C1QC: variants seen among roughly 807,000 people sequenced by gnomAD.
C1QC encodes the protein complement C1q C chain, also known as complement C1q subcomponent subunit C.
A neutral mutation model predicts 5.9 loss-of-function variants in C1QC; 4 were observed. The observed-to-expected ratio is 0.68, with a 90% CI of 0.33 to 1.55. C1QC has a LOEUF of 1.55. Ranked by LOEUF, C1QC falls within the 40% of genes most tolerant of loss-of-function variation. C1QC has a pLI of 0.06. For synonymous variants in C1QC, 166 were observed against 153.8 expected (o/e 1.08, Z -0.59); for missense variants, 299 against 326.9 (o/e 0.91, Z 0.66).
rs761748576 is a variant in C1QC at position 22,647,406 on chromosome 1, G to C, written c.361G>C (p.Val121Leu). ...EGRYKQKFQS[V>L]FTVTRQTHQP... ...CAGATACAAGCAGAAATTCCAGTCA[G>C]TGTTCACGGTCACTCGGCAGACCCA... The change falls in exon 3 of 3, where the codon GTG becomes CTG. Residue 121 changes from valine to leucine, a missense_variant. Transcript: ENST00000374640. 6.2e-7 allele frequency: 1 copy of C among 1,614,058 alleles called. No homozygotes were observed. The highest frequency in any genetic ancestry group is 1.7e-5 in the Admixed American group (1 of 60,018).
chr1:22,647,943 C>T lies in C1QC; in HGVS notation c.*160C>T. 1 of 921,094 alleles carries T rather than the reference C, an allele frequency of 1.1e-6. No homozygotes were observed. The allele number at this position is 921,094 out of a possible 1,614,324, so 57.1% of individuals were successfully genotyped here. ...ACCCTGACCCACCCCCACTGCACCC[C>T]CTCCCCATGGGTTCTCTCCTTCCTC... is the stretch of plus-strand genomic sequence containing the variant. On this transcript the variant is annotated 3_prime_UTR_variant, in exon 3 of 3. Coordinates refer to ENST00000374640, the MANE Select transcript of C1QC (RefSeq NM_172369.5).
chr1:22,647,994 G>T lies in C1QC; in HGVS notation c.*211G>T, dbSNP rs762217466. 7 of 591,186 alleles carry T rather than the reference G, an allele frequency of 1.2e-5. No individual in the cohort carries two copies. Among genetic ancestry groups the T allele is most frequent in the Non-Finnish European group, 1.7e-5 (6 of 349,956 alleles). The allele number at this position is 591,186 out of a possible 1,614,324, so 36.6% of individuals were successfully genotyped here. ...TGAACTTCTTTAGGAGTCACTGCTT[G>T]TGTGGTTCCTGGGACACTTAACCAA... On this transcript the variant is annotated 3_prime_UTR_variant, in exon 3 of 3. Transcript: ENST00000374640.
intron 2 of C1QC, among the ~76,000 whole-genome samples, chr1:22,644,635 C>A (rs1302693982): frequency 6.6e-6 from 1 of 152,166 alleles, no homozygotes; most frequent in Admixed American, 6.5e-5. Context: ...TCTATGTGAA[C>A]CCGCACAAGT....
chr1:22,643,974 G>C, intron 1 of C1QC, 37 bp from the exon 2 acceptor site: 1 of 1,569,136 alleles, frequency 6.4e-7, no homozygotes, highest in Non-Finnish European at 8.6e-7. Flanking sequence ...GGGCAGGTGA[G>C]GGGCTGGCGG....
chr1:22,644,178 G>T lies in C1QC; in HGVS notation c.155G>T (p.Gly52Val). 6.3e-7 allele frequency: 1 copy of T among 1,584,418 alleles called. No homozygotes were observed. Reference protein sequence around the residue: ...PGAPGKDGYDGLPGPKGEPGI... With the variant: ...PGAPGKDGYDVLPGPKGEPGI... ...GCACCAGGGAAGGATGGGTACGACG[G>T]ACTGCCGGGGCCCAAGGGGGAGCCA... The change falls in exon 2 of 3, where the codon GGA becomes GTA. Residue 52 changes from glycine to valine, a missense_variant. Gly to Val is a moderately radical substitution (Grantham distance 109). Coordinates refer to ENST00000374640, the MANE Select transcript of C1QC (RefSeq NM_172369.5).
In C1QC at chr1:22,648,040, C is replaced by CT. The variant is rs10601144; in HGVS notation, c.*273dup. On this transcript the variant is annotated 3_prime_UTR_variant, in exon 3 of 3. Coordinates refer to ENST00000374640, the MANE Select transcript of C1QC (RefSeq NM_172369.5). ...ACCAATGCCTTCTGGTACTGCCATTCTTTTTTTTTTTTTTTTCAAGTATTG... is the reference window on the plus strand; with the variant it reads ...ACCAATGCCTTCTGGTACTGCCATTCTTTTTTTTTTTTTTTTTCAAGTATTG... 11,307 of 356,242 alleles carry CT rather than the reference C, an allele frequency of 0.032. 48 individuals are homozygous for CT. The highest frequency in any genetic ancestry group is 0.046 in the East Asian group (855 of 18,530). 22.1% of individuals were successfully genotyped at this position (356,242 alleles called of 1,614,324 possible).
Position 22,647,236 on chromosome 1 carries a change from C to A in C1QC, c.191C>A (p.Ala64Asp), listed in dbSNP as rs750582720. 5 of 1,605,156 alleles carry A rather than the reference C, an allele frequency of 3.1e-6. No homozygotes were observed. The East Asian group carries it at 8.9e-5, about 29-fold the overall frequency. The change falls in exon 3 of 3, where the codon GCC (alanine) becomes GAC (aspartate). Residue 64 changes from alanine (A) to aspartate (D), a missense_variant. Around this residue, in one of 3 missense-constraint regions of C1QC, gnomAD observed 146 missense variants for 144.1 expected, o/e 1.01. Transcript: ENST00000374640. ...CCTTCTCCATCTCCAGGAATCCCAG[C>A]CATTCCCGGGATCCGAGGACCCAAA... ...PGPKGEPGIP[A>D]IPGIRGPKGQ...
intron 2 of C1QC, 139 bp from the exon 3 acceptor site, chr1:22,647,088 C>T (rs1570084239): frequency 9.8e-7 from 1 of 1,022,582 alleles, no homozygotes; most frequent in Non-Finnish European, 1.4e-6. Context: ...CTGCACCCTG[C>T]TCCTAGGGAG....
At chr1:22,645,416 T>C (rs1243337242) in intron 2 of C1QC, among the ~76,000 whole-genome samples, 1 of 152,160 alleles carries the variant, frequency 6.6e-6, no homozygotes, top group African/African-American at 2.4e-5. Flanking sequence ...TTGACCCTCA[T>C]TTTGCAAATG....
At chr1:22,646,278 T>C (rs910958445) in intron 2 of C1QC, among the ~76,000 whole-genome samples, 5 of 152,208 alleles carry the variant, frequency 3.3e-5, no homozygotes, top group African/African-American at 1.2e-4. Context: ...TCTATTCGGC[T>C]CCTTCCAGTG....
At chr1:22,645,693 T>A (rs1031148217) in intron 2 of C1QC, among the ~76,000 whole-genome samples, 2 of 152,198 alleles carry the variant, frequency 1.3e-5, no homozygotes, top group Non-Finnish European at 2.9e-5. Flanking sequence ...ACAGTGCCTG[T>A]CCCACTCCAC....
intron 1 of C1QC, 123 bp from the exon 2 acceptor site, chr1:22,643,888 T>C: frequency 2.2e-6 from 3 of 1,380,126 alleles, no homozygotes; most frequent in Non-Finnish European, 2.8e-6. Context: ...CCATCCATGG[T>C]GAGGCTCCTG....
rs760400777 is a variant in C1QC at position 22,647,759 on chromosome 1, C to T, written c.714C>T (p.Ser238=). Residue 238 remains serine, a synonymous_variant, in exon 3 of 3, where the codon TCC becomes TCT. Transcript: ENST00000374640. ...VGIQGSDSVF[S]GFLLFPD ...TCCAGGGCTCTGACAGCGTCTTCTC[C>T]GGCTTCCTGCTCTTCCCCGACTAGG... is the stretch of plus-strand genomic sequence containing the variant. 11 of 1,599,960 alleles carry T rather than the reference C, an allele frequency of 6.9e-6. No homozygotes were observed. Among genetic ancestry groups the T allele is most frequent in the East Asian group, 4.5e-5 (2 of 44,854 alleles).
chr1:22,647,277 C>T lies in C1QC; in HGVS notation c.232C>T (p.Pro78Ser), dbSNP rs140114929. ...IRGPKGQKGE[P>S]GLPGHPGKNG... ...AGGACCCAAAGGGCAGAAGGGAGAA[C>T]CCGGCTTACCCGGCCATCCTGGGAA... Residue 78 changes from proline (P) to serine (S), a missense_variant, in exon 3 of 3, where the codon CCC becomes TCC. By Grantham distance (74) the Pro-to-Ser change is moderately conservative. This residue lies in a region of C1QC where 146 missense variants were observed against 144.1 expected (regional missense o/e 1.01). Transcript: ENST00000374640. 298 of 1,612,124 alleles carry T rather than the reference C, an allele frequency of 1.8e-4. No homozygotes were observed. Among genetic ancestry groups the T allele is most frequent in the Non-Finnish European group, 2.3e-4 (269 of 1,179,992 alleles).
At chr1:22,644,410 C>T (rs1370519752) in intron 2 of C1QC, among the ~76,000 whole-genome samples, 1 of 152,138 alleles carries the variant, frequency 6.6e-6, no homozygotes, top group Admixed American at 6.5e-5. Flanking sequence ...TGACCTTGGG[C>T]CCAGCGCACT....
rs1302096111 is a variant in C1QC, at chr1:22,645,819, C to CATTAG, written c.182-1408_182-1407insATTAG. On this transcript the variant is annotated intron_variant, in intron 2 of 2. Transcript: ENST00000374640. ...TGTGAAGGCCAGGTCTGCTGGGTCC[C>CATTAG]GACCCCACACTCCTAATGCTGAGGC... is the stretch of plus-strand genomic sequence containing the variant. 1.1e-3 allele frequency among the ~76,000 whole-genome samples: 164 copies of CATTAG among 152,258 alleles called. No homozygotes were observed. In the East Asian group the frequency reaches 0.021, roughly 20 times the overall value.
At chr1:22,644,364 T>C (rs1642334528) in intron 2 of C1QC, among the ~76,000 whole-genome samples, 160 bp downstream of exon 2, 1 of 152,150 alleles carries the variant, frequency 6.6e-6, no homozygotes, top group African/African-American at 2.4e-5. Flanking sequence ...CTGGCTCCTC[T>C]ATCCTCAGAG....
In C1QC at chr1:22,647,720, C is replaced by G; in HGVS notation, c.675C>G (p.Tyr225Ter). The part of the protein sequence containing the change: ...EEVWLAVNDY[Y>*]DMVGIQGSDS... ...TGTGGCTGGCTGTCAATGACTACTA[C>G]GACATGGTGGGCATCCAGGGCTCTG... Residue 225 changes from tyrosine to a stop codon, truncating the protein, a stop_gained, in exon 3 of 3, where the codon TAC becomes TAG. Transcript: ENST00000374640. LOFTEE classifies it high-confidence loss of function. 6.2e-7 allele frequency: 1 copy of G among 1,602,348 alleles called. No homozygotes were observed. Among genetic ancestry groups the G allele is most frequent in the Admixed American group, 1.7e-5 (1 of 60,016 alleles).
chr1:22,647,213 T>G lies in C1QC; in HGVS notation c.182-14T>G, dbSNP rs762135153. 1.2e-6 allele frequency: 2 copies of G among 1,601,640 alleles called. No individual in the cohort carries two copies. The highest frequency in any genetic ancestry group is 1.3e-5 in the African/African-American group (1 of 74,996). On this transcript the variant is annotated splice_polypyrimidine_tract_variant and intron_variant, in intron 2 of 2. Transcript: ENST00000374640. ...CCCACCCTATCACTTTCTCTCTGCC[T>G]TCTCCATCTCCAGGAATCCCAGCCA...
Sources: allele counts gnomAD v4.1 joint callset (sites outside exome capture counted in the v4.1 genomes callset), GRCh38; gene constraint gnomAD v4.1.1; regional missense constraint gnomAD v4.1.1; transcripts MANE v1.5; gene names NCBI Gene and HGNC (gene_info 2026-07-23, HGNC 2026-07-21).